Variants in PRDM6 observed in about 807,000 individuals in gnomAD.
PRDM6 encodes putative histone-lysine N-methyltransferase PRDM6.
Under a neutral mutation model 60.8 loss-of-function variants are expected in PRDM6, and 25 were observed. The ratio of observed to expected loss-of-function variants is 0.41; its 90% CI spans 0.30 to 0.57. The LOEUF is 0.57. Ranked by LOEUF, PRDM6 falls within the 20% of genes least tolerant of loss-of-function variation. The pLI is 0.27. For missense variants in PRDM6, 839 were observed against 821.3 expected, an observed-to-expected ratio of 1.02 and a Z score of -0.26; for synonymous variants, 407 against 357.4, an observed-to-expected ratio of 1.14 and a Z score of -1.57.
At chr5:123,090,685 C>A in intron 2 of PRDM6, 79 bp downstream of exon 2, 2 of 245,554 alleles carry the variant, frequency 8.1e-6, no homozygotes, top group Non-Finnish European at 1.2e-5. Context: ...GTCAGGGAGG[C>A]GGGTCGGATA....
chr5:123,114,516 A>AT (rs1764389763), intron 3 of PRDM6, among the ~76,000 whole-genome samples: 1 of 152,130 alleles, frequency 6.6e-6, no homozygotes, highest in Admixed American at 6.5e-5. Flanking sequence ...TTCTCTCCCG[A>AT]TATTACTTGT....
Position 123,090,273 on chromosome 5 carries a change from T to TTCACCTCCG in PRDM6, c.259_260insTCACCTCCG (p.Ser87delinsPheThrSerAla). The stretch of plus-strand genomic sequence containing the variant: ...CGCCTCGTCCACGCCGGCTTCCTCT[T>TTCACCTCCG]CCACCTCCGCCTCCTCCGCCTCCTC... On this transcript the variant is annotated protein_altering_variant, in exon 2 of 8. Transcript: ENST00000407847. The TTCACCTCCG allele has an allele frequency of 9.2e-7, 1 of 1,082,698 alleles. No individual in the cohort carries two copies. Among genetic ancestry groups the TTCACCTCCG allele is most frequent in the Non-Finnish European group, 1.3e-6 (1 of 759,180 alleles). 67.1% of individuals were successfully genotyped at this position (1,082,698 alleles called of 1,614,324 possible). A position where few individuals can be genotyped will look rare whatever the true frequency, so the allele number is the denominator to read the frequency against.
chr5:123,100,876 G>A (rs1473688492), intron 3 of PRDM6, among the ~76,000 whole-genome samples: 1 of 152,188 alleles, frequency 6.6e-6, no homozygotes, highest in Non-Finnish European at 1.5e-5. Context: ...TCCATCCATG[G>A]AAAGTTGCTT....
intron 3 of PRDM6, among the ~76,000 whole-genome samples, chr5:123,150,902 A>T (rs1392660385): frequency 1.3e-5 from 2 of 152,166 alleles, no homozygotes; most frequent in Non-Finnish European, 2.9e-5. Context: ...TATTTCATAG[A>T]GTTGAAAGAG....
chr5:123,100,342 G>C, intron 3 of PRDM6, among the ~76,000 whole-genome samples: 1 of 152,208 alleles, frequency 6.6e-6, no homozygotes, highest in East Asian at 1.9e-4. Flanking sequence ...GCATTAGAAT[G>C]TTTGAGCTGG....
At chr5:123,155,496 A>C (rs1306238567) in intron 3 of PRDM6, among the ~76,000 whole-genome samples, 1 of 151,880 alleles carries the variant, frequency 6.6e-6, no homozygotes, top group East Asian at 1.9e-4. Flanking sequence ...TGTGTGTTTG[A>C]GACTGGGGGG....
At chr5:123,144,147 T>C (rs938057821) in intron 3 of PRDM6, among the ~76,000 whole-genome samples, 1 of 152,200 alleles carries the variant, frequency 6.6e-6, no homozygotes, top group African/African-American at 2.4e-5. Context: ...GTTGCCCGTG[T>C]CACCAGAATC....
intron 2 of PRDM6, among the ~76,000 whole-genome samples, chr5:123,096,375 T>C (rs897578226): frequency 2.6e-5 from 4 of 152,198 alleles, no homozygotes; most frequent in African/African-American, 9.6e-5. Context: ...TAGGTGTTTA[T>C]ACTCTGCTAG....
At chr5:123,112,110 C>T (rs173030) in intron 3 of PRDM6, among the ~76,000 whole-genome samples, 21,774 of 152,268 alleles carry the variant, frequency 0.14, 1,948 homozygotes, top group Non-Finnish European at 0.21. Flanking sequence ...GAAAACACTG[C>T]GTGTAAACTG....
At chr5:123,124,456 A>G (rs2150219645) in intron 3 of PRDM6, among the ~76,000 whole-genome samples, 1 of 152,374 alleles carries the variant, frequency 6.6e-6, no homozygotes, top group South Asian at 2.1e-4. Context: ...GGCTAAGACA[A>G]AAATATTATT....
chr5:123,164,563 G>A (rs1580531061), intron 5 of PRDM6, among the ~76,000 whole-genome samples: 1 of 152,274 alleles, frequency 6.6e-6, no homozygotes, highest in Admixed American at 6.5e-5. Context: ...GAAACCTGTA[G>A]GTTCCTAGAA....
rs1040762902 is a variant in PRDM6 at position 123,191,612 on chromosome 5, T to A, written c.*4411T>A. The stretch of plus-strand genomic sequence containing the variant: ...ATGATAACTGTAAGTTCCAGAAATG[T>A]TATTCACTTGTCAGGATCCTTTTAA... On this transcript the variant is annotated 3_prime_UTR_variant, in exon 8 of 8. Transcript: ENST00000407847. 5 of 152,220 alleles carry A rather than the reference T, an allele frequency of 3.3e-5. No individual in the cohort carries two copies. Among genetic ancestry groups the A allele is most frequent in the African/African-American group, 1.2e-4 (5 of 41,444 alleles). 9.4% of individuals were successfully genotyped at this position (152,220 alleles called of 1,614,324 possible).
intron 3 of PRDM6, among the ~76,000 whole-genome samples, chr5:123,138,033 G>C (rs34695021): frequency 0.71 from 107,740 of 151,398 alleles, 38,459 homozygotes; most frequent in Non-Finnish European, 0.73. Context: ...GTTCACCCCC[G>C]CACCTTTCAA....
chr5:123,145,709 G>A lies in PRDM6; in HGVS notation c.901-10175G>A, dbSNP rs1364514518. ...CTGTCCCAACGTGACATAAGGAAAT[G>A]TCTTCTCAATTATTTAAGATCTAAA... On this transcript the variant is annotated intron_variant, in intron 3 of 7. Transcript: ENST00000407847. 3.4e-5 allele frequency among the ~76,000 whole-genome samples: 5 copies of A among 148,960 alleles called. No homozygotes were observed. In the East Asian group the frequency reaches 1.0e-3, roughly 30 times the overall value.
Position 123,089,925 on chromosome 5 carries a change from A to G in PRDM6, c.-15-75A>G, listed in dbSNP as rs1763767680. ...AACCACCGGCTCGGGCACTTTCTCC[A>G]GGGTCCCAGTGGCCCTCTTCCCGGC... On this transcript the variant is annotated intron_variant, in intron 1 of 7. Transcript: ENST00000407847. The G allele has an allele frequency of 1.9e-5, 21 of 1,112,842 alleles. No individual in the cohort carries two copies. In the South Asian group the frequency reaches 3.0e-4, roughly 16 times the overall value. 68.9% of individuals were successfully genotyped at this position (1,112,842 alleles called of 1,614,324 possible). A position where few individuals can be genotyped will look rare whatever the true frequency, so the allele number is the denominator to read the frequency against.
intron 2 of PRDM6, 33 bp downstream of exon 2, chr5:123,090,639 GGGCGCC>G (rs71572187): frequency 0.38 from 551,555 of 1,452,810 alleles, 113,304 homozygotes; most frequent in African/African-American, 0.43. Context: ...CTCTCTCCCG[GGGCGCC>G]GGCGCCGGCG....
At chr5:123,122,290 A>T (rs944161825) in intron 3 of PRDM6, among the ~76,000 whole-genome samples, 2 of 152,198 alleles carry the variant, frequency 1.3e-5, no homozygotes, top group Non-Finnish European at 2.9e-5. Flanking sequence ...TGATAGACAA[A>T]CAGCCTTGAG....
intron 3 of PRDM6, among the ~76,000 whole-genome samples, chr5:123,102,022 G>T (rs1005701830): frequency 2.6e-5 from 4 of 152,096 alleles, no homozygotes; most frequent in Non-Finnish European, 4.4e-5. Context: ...TTAGAAAAAA[G>T]ACTTGCTGGG....
rs139225244 is a variant in PRDM6 at position 123,140,116 on chromosome 5, A to C, written c.901-15768A>C. Among the ~76,000 whole-genome samples, 5 of 152,276 alleles carry C rather than the reference A, an allele frequency of 3.3e-5. No homozygotes were observed. The East Asian group carries it at 7.7e-4, about 24-fold the overall frequency. On this transcript the variant is annotated intron_variant, in intron 3 of 7. Transcript: ENST00000407847. The stretch of plus-strand genomic sequence containing the variant: ...GCTCGTAGACTTCCCAAGTGATATC[A>C]TAATAATATCATAATTACCGCGGCT...
Sources: gnomAD v4.1 joint callset for allele counts (sites outside exome capture counted in the v4.1 genomes callset) on GRCh38, gnomAD v4.1.1 for gene constraint, MANE v1.5 for transcripts, NCBI Gene and HGNC (gene_info 2026-07-23, HGNC 2026-07-21) for gene names.